DLG2: variants seen among roughly 807,000 people sequenced by gnomAD.
DLG2 encodes disks large homolog 2.
DLG2 carries 45 observed loss-of-function variants against 132.5 expected under a neutral mutation model. The observed-to-expected ratio is 0.34, with a 90% CI of 0.27 to 0.44. The LOEUF is 0.44. Ranked by LOEUF, DLG2 falls within the 20% of genes least tolerant of loss-of-function variation. DLG2 has a pLI of 1.00. For synonymous variants in DLG2, 424 were observed against 419.6 expected (o/e 1.01, Z -0.13); for missense variants, 1,045 against 1,196.9 (o/e 0.87, Z 1.87).
intron 3 of DLG2, among the ~76,000 whole-genome samples, chr11:85,530,769 G>A (rs998314060): frequency 6.6e-6 from 1 of 152,158 alleles, no homozygotes; most frequent in Non-Finnish European, 1.5e-5. Context: ...TCCTTTTGGG[G>A]CCTCAACAGT....
intron 11 of DLG2, among the ~76,000 whole-genome samples, chr11:84,001,917 C>T (rs1023985519): frequency 3.9e-5 from 6 of 151,946 alleles, no homozygotes; most frequent in Admixed American, 3.9e-4. Context: ...ATACAACATA[C>T]CAAAATCTGT....
chr11:84,631,163 C>T (rs1418674290), intron 6 of DLG2, among the ~76,000 whole-genome samples: 3 of 151,754 alleles, frequency 2.0e-5, no homozygotes, highest in Non-Finnish European at 4.4e-5. Context: ...GCAGGGAGTA[C>T]ATTGCAAATA....
At chr11:84,158,180 C>T (rs577652247) in intron 9 of DLG2, among the ~76,000 whole-genome samples, 1 of 152,168 alleles carries the variant, frequency 6.6e-6, no homozygotes, top group South Asian at 2.1e-4. Flanking sequence ...TCTCCTGCCT[C>T]AGCCTCCTGA....
rs2093350555 is a variant in DLG2, at chr11:83,484,229, CTG to C, written c.2194-3_2194-2del. 5 of 1,611,514 alleles carry C rather than the reference CTG, an allele frequency of 3.1e-6. No individual in the cohort carries two copies. The highest frequency in any genetic ancestry group is 4.2e-6 in the Non-Finnish European group (5 of 1,178,610). On this transcript the variant is annotated splice_acceptor_variant and splice_polypyrimidine_tract_variant and intron_variant, in intron 21 of 27. Coordinates refer to ENST00000376104, the MANE Select transcript of DLG2 (RefSeq NM_001142699.3). LOFTEE classifies it high-confidence loss of function. Reference sequence around the variant, plus strand: ...TCTTTTTACGCTTGTCATTGAATGACTGTGAAGGAGAAAAGGCATGGGGCAAA... The same window carrying C: ...TCTTTTTACGCTTGTCATTGAATGACTGAAGGAGAAAAGGCATGGGGCAAA...
chr11:83,745,177 T>G (rs547370599), intron 18 of DLG2, among the ~76,000 whole-genome samples: 1 of 152,352 alleles, frequency 6.6e-6, no homozygotes, highest in African/African-American at 2.4e-5. Flanking sequence ...ATATTCTCAG[T>G]GTTTGTGATG....
chr11:84,373,265 C>CAAAAAAAACAAAA (rs59038372), intron 7 of DLG2, among the ~76,000 whole-genome samples: 5 of 98,034 alleles, frequency 5.1e-5, no homozygotes, highest in South Asian at 3.5e-4. Flanking sequence ...AAAAAAAAAA[C>CAAAAAAAACAAAA]AAAACAAAAA....
intron 4 of DLG2, among the ~76,000 whole-genome samples, chr11:85,279,051 T>G (rs1386778602): frequency 3.9e-5 from 6 of 152,184 alleles, no homozygotes; most frequent in Non-Finnish European, 7.3e-5. Flanking sequence ...ATAAAAAACT[T>G]TGGTTTTCCT....
intron 18 of DLG2, among the ~76,000 whole-genome samples, chr11:83,668,678 T>C (rs923553649): frequency 6.7e-6 from 1 of 149,616 alleles, no homozygotes; most frequent in African/African-American, 2.5e-5. Flanking sequence ...AGTATATATG[T>C]ATGTGTATAT....
At chr11:84,733,229 A>G (rs2063382368) in intron 6 of DLG2, among the ~76,000 whole-genome samples, 1 of 152,172 alleles carries the variant, frequency 6.6e-6, no homozygotes, top group African/African-American at 2.4e-5. Context: ...GACTTCCACA[A>G]TGGTTGAACT....
intron 4 of DLG2, among the ~76,000 whole-genome samples, chr11:85,274,746 T>G (rs756490623): frequency 6.6e-6 from 1 of 152,140 alleles, no homozygotes; most frequent in Non-Finnish European, 1.5e-5. Context: ...AAATATTACT[T>G]AAAATACCAC....
chr11:83,771,478 C>T (rs566509395), intron 18 of DLG2, among the ~76,000 whole-genome samples: 81 of 152,298 alleles, frequency 5.3e-4, no homozygotes, highest in African/African-American at 1.9e-3. Flanking sequence ...AGTGCACTTA[C>T]ATGAACCTAG....
At chr11:84,063,551 G>C (rs1439020568) in intron 10 of DLG2, among the ~76,000 whole-genome samples, 1 of 152,024 alleles carries the variant, frequency 6.6e-6, no homozygotes, top group Non-Finnish European at 1.5e-5. Flanking sequence ...TTTCTGCAGT[G>C]TGGCTATTCC....
intron 17 of DLG2, 143 bp downstream of exon 17, chr11:83,833,471 T>C: frequency 3.5e-6 from 3 of 862,032 alleles, no homozygotes; most frequent in Non-Finnish European, 5.2e-6. Context: ...ACAAACAAAA[T>C]TGTGACATGC....
intron 7 of DLG2, among the ~76,000 whole-genome samples, chr11:84,508,400 C>CTTTTTTTTTTTT (rs371285075): frequency 7.1e-6 from 1 of 141,086 alleles, no homozygotes; most frequent in Non-Finnish European, 1.5e-5. Flanking sequence ...CTTTCTTTAC[C>CTTTTTTTTTTTT]TTTTTTTTTT....
intron 18 of DLG2, among the ~76,000 whole-genome samples, chr11:83,728,586 T>C (rs995281475): frequency 1.3e-5 from 2 of 152,238 alleles, no homozygotes; most frequent in African/African-American, 4.8e-5. Context: ...GGATCCTTGC[T>C]TGGCTGAAGG....
chr11:85,031,833 G>C (rs2061023756), intron 6 of DLG2, among the ~76,000 whole-genome samples: 1 of 151,892 alleles, frequency 6.6e-6, no homozygotes, highest in Admixed American at 6.6e-5. Context: ...CACCTGAGTG[G>C]AGTGCAGTAG....
intron 18 of DLG2, among the ~76,000 whole-genome samples, chr11:83,738,145 G>A (rs1801502720): frequency 6.6e-6 from 1 of 152,118 alleles, no homozygotes; most frequent in Non-Finnish European, 1.5e-5. Context: ...AGATTCCAAG[G>A]GTCTGTGTTT....
intron 21 of DLG2, among the ~76,000 whole-genome samples, chr11:83,498,824 T>A (rs2094297035): frequency 1.3e-5 from 2 of 151,004 alleles, no homozygotes. Flanking sequence ...TTAGCTAGAC[T>A]GACCAAGAAA....
intron 3 of DLG2, among the ~76,000 whole-genome samples, chr11:85,384,289 G>T (rs926992770): frequency 7.2e-5 from 11 of 152,180 alleles, no homozygotes; most frequent in Non-Finnish European, 1.2e-4. Flanking sequence ...GAAAGTCTGA[G>T]ATTTGACATT....
Sources: gnomAD v4.1 joint callset for allele counts (sites outside exome capture counted in the v4.1 genomes callset) on GRCh38, gnomAD v4.1.1 for gene constraint, MANE v1.5 for transcripts, NCBI Gene and HGNC (gene_info 2026-07-23, HGNC 2026-07-21) for gene names.